The following PTPRD variants were observed in gnomAD, a reference collection of about 807,000 sequenced individuals.
PTPRD encodes receptor-type tyrosine-protein phosphatase delta.
PTPRD carries 34 observed loss-of-function variants against 214.5 expected under a neutral mutation model. The observed-to-expected ratio is 0.16, with a 90% CI of 0.12 to 0.21. The LOEUF (loss-of-function observed/expected upper bound fraction) is 0.21, where lower values mean the gene tolerates loss of function less well. PTPRD is among the 10% of genes least tolerant of loss of function. PTPRD has a pLI of 1.00. For synonymous variants in PTPRD, 1,128 were observed against 845.7 expected (o/e 1.33, Z -5.79); for missense variants, 2,545 against 2,398.7 (o/e 1.06, Z -1.27).
chr9:10,105,118 T>C (rs1044714479), intron 3 of PTPRD, among the ~76,000 whole-genome samples: 1 of 151,860 alleles, frequency 6.6e-6, no homozygotes, highest in African/African-American at 2.4e-5. Context: ...TATTTACCTT[T>C]GGAATGAGGA....
chr9:8,374,108 ACGTGTCTGTGTGTGTG>A (rs1161512354), intron 39 of PTPRD, among the ~76,000 whole-genome samples: 4 of 141,318 alleles, frequency 2.8e-5, no homozygotes, highest in Non-Finnish European at 3.0e-5. Flanking sequence ...ATAATTACAC[ACGTGTCTGTGTGTGTG>A]TGTGTGTGTG....
intron 4 of PTPRD, among the ~76,000 whole-genome samples, chr9:9,970,462 G>GAA (rs147601049): frequency 0.017 from 2,399 of 144,464 alleles, 59 homozygotes; most frequent in African/African-American, 0.058. Context: ...AAAAGAAAAA[G>GAA]AAAAAAAAAA....
At chr9:9,998,129 A>AAAAAAAAAATATATATATATAT (rs57991748) in intron 4 of PTPRD, among the ~76,000 whole-genome samples, 2 of 91,496 alleles carry the variant, frequency 2.2e-5, no homozygotes, top group African/African-American at 1.2e-4. Flanking sequence ...AAAAAAAAAA[A>AAAAAAAAAATATATATATATAT]ATATATATAT....
At chr9:10,201,969 T>C (rs1214589656) in intron 3 of PTPRD, among the ~76,000 whole-genome samples, 1 of 152,106 alleles carries the variant, frequency 6.6e-6, no homozygotes, top group African/African-American at 2.4e-5. Flanking sequence ...GTCTGAATTA[T>C]TGTTTTCAAT....
intron 8 of PTPRD, among the ~76,000 whole-genome samples, chr9:9,545,272 C>A (rs576601310): frequency 6.6e-6 from 1 of 151,854 alleles, no homozygotes; most frequent in East Asian, 1.9e-4. Context: ...CATAGTTCCA[C>A]TGTGCTAAAA....
chr9:8,998,448 C>A lies in PTPRD; in HGVS notation c.-104+20249G>T, dbSNP rs148820377. Among the ~76,000 whole-genome samples, 323 of 152,082 alleles carry A rather than the reference C, an allele frequency of 2.1e-3. 3 individuals carry two copies. Among genetic ancestry groups the A allele is most frequent in the African/African-American group, 7.4e-3 (309 of 41,514 alleles). ...AGAGCACATCTGTTTAGCAGCATGA[C>A]TTACCGTGAATATTTTAAGCCCATT... is the stretch of plus-strand genomic sequence containing the variant. On this transcript the variant is annotated intron_variant, in intron 11 of 45. Coordinates refer to ENST00000381196, the MANE Select transcript of PTPRD (RefSeq NM_002839.4).
At chr9:10,180,044 TAGAG>T (rs1047914242) in intron 3 of PTPRD, among the ~76,000 whole-genome samples, 1 of 144,940 alleles carries the variant, frequency 6.9e-6, no homozygotes, top group African/African-American at 2.5e-5. Flanking sequence ...AATCAGAAGA[TAGAG>T]ACTTACAATT....
At chr9:10,316,662 T>C (rs2096441815) in intron 3 of PTPRD, among the ~76,000 whole-genome samples, 1 of 151,946 alleles carries the variant, frequency 6.6e-6, no homozygotes, top group Non-Finnish European at 1.5e-5. Flanking sequence ...AATTAGAAGA[T>C]TTTTAATGTA....
At chr9:8,500,467 G>A (rs1315378021) in intron 24 of PTPRD, among the ~76,000 whole-genome samples, 4 of 148,180 alleles carry the variant, frequency 2.7e-5, no homozygotes, top group African/African-American at 9.9e-5. Context: ...GACTTTAGAT[G>A]GAGGCACAGA....
intron 12 of PTPRD, chr9:8,713,714 G>C: frequency 6.6e-7 from 1 of 1,510,574 alleles, no homozygotes; most frequent in Non-Finnish European, 9.1e-7. Context: ...ATCGCGGCCA[G>C]CAAGTGACGC....
At chr9:10,151,950 A>G (rs1053089304) in intron 3 of PTPRD, among the ~76,000 whole-genome samples, 99 of 152,322 alleles carry the variant, frequency 6.5e-4, no homozygotes, top group African/African-American at 2.3e-3. Flanking sequence ...GAACTGAAGG[A>G]TATTTAGGCT....
At chr9:10,524,270 C>G (rs749576868) in intron 2 of PTPRD, among the ~76,000 whole-genome samples, 11 of 152,068 alleles carry the variant, frequency 7.2e-5, no homozygotes, top group Non-Finnish European at 1.5e-4. Context: ...CACACCACTA[C>G]CTGCAAGATT....
At chr9:10,139,648 G>C (rs901494207) in intron 3 of PTPRD, among the ~76,000 whole-genome samples, 4 of 151,936 alleles carry the variant, frequency 2.6e-5, no homozygotes, top group African/African-American at 9.7e-5. Flanking sequence ...GGACTACAAG[G>C]GTACAGGAAC....
intron 3 of PTPRD, among the ~76,000 whole-genome samples, chr9:10,241,450 C>T (rs1236662275): frequency 8.6e-5 from 13 of 152,014 alleles, no homozygotes; most frequent in East Asian, 3.9e-4. Context: ...CAAGAGTAGA[C>T]GGCCTTCAAC....
rs966017361 is a variant in PTPRD at position 10,178,097 on chromosome 9, G to A, written c.-544-144307C>T. Among the ~76,000 whole-genome samples, 8 of 151,972 alleles carry A rather than the reference G, an allele frequency of 5.3e-5. No homozygotes were observed. The South Asian group carries it at 1.2e-3, about 24-fold the overall frequency. ...TTTACCCTCTAGACTGCATTAGTGA[G>A]CAATTATAGTAAGGACTGGTTGTCC... On this transcript the variant is annotated intron_variant, in intron 3 of 45. Coordinates refer to ENST00000381196, the MANE Select transcript of PTPRD (RefSeq NM_002839.4).
rs548836433 is a variant in PTPRD at position 9,379,417 on chromosome 9, C to T, written c.-203+18032G>A. Among the ~76,000 whole-genome samples, 5 of 151,832 alleles carry T rather than the reference C, an allele frequency of 3.3e-5. No homozygotes were observed. The South Asian group carries it at 1.0e-3, about 32-fold the overall frequency. ...CTACTTTCCTATTCTTCGTCCAATA[C>T]CATGCAGTCTCGATTACTGTAGCTT... is the stretch of plus-strand genomic sequence containing the variant. On this transcript the variant is annotated intron_variant, in intron 9 of 45. Coordinates refer to ENST00000381196, the MANE Select transcript of PTPRD (RefSeq NM_002839.4).
chr9:10,065,549 A>G (rs118115092), intron 3 of PTPRD, among the ~76,000 whole-genome samples: 2,450 of 152,016 alleles, frequency 0.016, 25 homozygotes, highest in Non-Finnish European at 0.026. Flanking sequence ...TACAAATAAA[A>G]TCAAATTTTT....
rs77090890 is a variant in PTPRD, at chr9:8,522,102, T to C, written c.692-556A>G. Among the ~76,000 whole-genome samples the C allele has an allele frequency of 6.6e-4, 100 of 152,274 alleles. 2 individuals are homozygous for C. The East Asian group carries it at 0.014, about 21-fold the overall frequency. ...TTTCAGATTCATAGTGGATGCAGCC[T>C]CAAGACCTCACACTAACACTGGAAC... On this transcript the variant is annotated intron_variant, in intron 19 of 45. Transcript: ENST00000381196.
At chr9:8,595,177 T>G (rs944315329) in intron 14 of PTPRD, among the ~76,000 whole-genome samples, 134 of 151,870 alleles carry the variant, frequency 8.8e-4, no homozygotes, top group African/African-American at 2.9e-3. Flanking sequence ...AACCTGTTTT[T>G]TTTTTTTTTT....
Sources: gnomAD v4.1 joint callset for allele counts (sites outside exome capture counted in the v4.1 genomes callset) on GRCh38, gnomAD v4.1.1 for gene constraint, MANE v1.5 for transcripts, NCBI Gene and HGNC (gene_info 2026-07-23, HGNC 2026-07-21) for gene names.